AGMO: variants seen among roughly 807,000 people sequenced by gnomAD.
AGMO encodes alkylglycerol monooxygenase.
A neutral mutation model predicts 60.2 loss-of-function variants in AGMO; 75 were observed. That is an observed-to-expected ratio of 1.25 (90% CI 1.03 to 1.51). AGMO has a LOEUF of 1.51. Among genes scored for constraint, AGMO ranks in the 40% most tolerant of loss-of-function variants. The pLI, the probability that AGMO is intolerant of heterozygous loss-of-function variation, is 0.00. For synonymous variants in AGMO, 261 were observed against 177.1 expected (o/e 1.47, Z -3.76); for missense variants, 763 against 525.5 (o/e 1.45, Z -4.42).
At chr7:15,331,235 A>T (rs1365637093) in intron 12 of AGMO, among the ~76,000 whole-genome samples, 2 of 152,218 alleles carry the variant, frequency 1.3e-5, no homozygotes, top group African/African-American at 4.8e-5. Context: ...GGATATGAAG[A>T]AAAGAACTGC....
intron 3 of AGMO, among the ~76,000 whole-genome samples, chr7:15,440,408 A>G (rs949675856): frequency 6.6e-6 from 1 of 152,192 alleles, no homozygotes; most frequent in Non-Finnish European, 1.5e-5. Context: ...GAAGGGAGAA[A>G]TGAGGTTCAT....
intron 3 of AGMO, among the ~76,000 whole-genome samples, chr7:15,497,992 A>G (rs1204687212): frequency 6.6e-6 from 1 of 151,856 alleles, no homozygotes; most frequent in Non-Finnish European, 1.5e-5. Context: ...TAGCAAGAAG[A>G]CTCTTCAAGT....
intron 12 of AGMO, among the ~76,000 whole-genome samples, chr7:15,217,349 ATC>A (rs556876789): frequency 4.2e-5 from 6 of 143,580 alleles, no homozygotes; most frequent in African/African-American, 7.8e-5. Context: ...CACATACATA[ATC>A]TCTCTCTCTC....
chr7:15,471,174 T>C (rs1782442679), intron 3 of AGMO, among the ~76,000 whole-genome samples: 1 of 151,952 alleles, frequency 6.6e-6, no homozygotes, highest in African/African-American at 2.4e-5. Flanking sequence ...ATTTCCTCTA[T>C]CATGCTTTGT....
chr7:15,353,957 AAAGCCAATAC>A (rs1453726459), intron 12 of AGMO, among the ~76,000 whole-genome samples: 1 of 152,178 alleles, frequency 6.6e-6, no homozygotes, highest in Non-Finnish European at 1.5e-5. Flanking sequence ...AAACCCATAC[AAAGCCAATAC>A]ATTTTGGAAA....
At chr7:15,336,361 T>G (rs1361380648) in intron 12 of AGMO, among the ~76,000 whole-genome samples, 6 of 152,126 alleles carry the variant, frequency 3.9e-5, no homozygotes, top group African/African-American at 1.4e-4. Context: ...GTTTATTTGT[T>G]TTCTTTAAAT....
At chr7:15,124,965 A>G in the AGMO span, among the ~76,000 whole-genome samples, 1 of 152,080 alleles carries the variant, frequency 6.6e-6, no homozygotes, top group Non-Finnish European at 1.5e-5. Flanking sequence ...GTCACAAAAG[A>G]GAGTTTGGTA....
intron 4 of AGMO, among the ~76,000 whole-genome samples, chr7:15,421,476 G>C (rs1780922079): frequency 6.6e-6 from 1 of 152,138 alleles, no homozygotes; most frequent in African/African-American, 2.4e-5. Context: ...TATTTCAATA[G>C]CCCAGAGAAA....
At chr7:15,491,367 C>A (rs1401078287) in intron 3 of AGMO, among the ~76,000 whole-genome samples, 2 of 152,166 alleles carry the variant, frequency 1.3e-5, no homozygotes, top group African/African-American at 4.8e-5. Context: ...ATCTTAGCAT[C>A]ACTTGCTTAA....
intron 12 of AGMO, among the ~76,000 whole-genome samples, chr7:15,216,754 T>C (rs1211561648): frequency 6.6e-6 from 1 of 151,956 alleles, no homozygotes; most frequent in Non-Finnish European, 1.5e-5. Flanking sequence ...TTAAGAACTC[T>C]AGGATCAATA....
At chr7:15,526,726 C>A (rs1784138384) in intron 3 of AGMO, among the ~76,000 whole-genome samples, 1 of 152,160 alleles carries the variant, frequency 6.6e-6, no homozygotes, top group African/African-American at 2.4e-5. Flanking sequence ...CTTTATTGGG[C>A]TTTGCAGATA....
chr7:15,135,979 C>CTTTTTTTTTTTTTTTTTTTTG, the AGMO span, among the ~76,000 whole-genome samples: 3 of 106,866 alleles, frequency 2.8e-5, no homozygotes, highest in East Asian at 2.9e-4. Flanking sequence ...TTTTTCTTTT[C>CTTTTTTTTTTTTTTTTTTTTG]TTTTTTTTTT....
chr7:15,524,546 T>C (rs533241509), intron 3 of AGMO, among the ~76,000 whole-genome samples: 1 of 152,276 alleles, frequency 6.6e-6, no homozygotes, highest in African/African-American at 2.4e-5. Flanking sequence ...TCAGTTTGGA[T>C]ATGCAACCAT....
intron 6 of AGMO, among the ~76,000 whole-genome samples, chr7:15,391,521 CATA>C (rs1029957272): frequency 3.9e-5 from 6 of 152,060 alleles, no homozygotes; most frequent in African/African-American, 1.4e-4. Context: ...CTTAAGTAGA[CATA>C]ATGATATCCA....
the AGMO span, among the ~76,000 whole-genome samples, chr7:15,177,102 G>GA: frequency 1.6e-5 from 2 of 128,502 alleles, no homozygotes; most frequent in African/African-American, 5.1e-5. Context: ...ATAAGGGGAG[G>GA]AAAAAACATG....
intron 12 of AGMO, among the ~76,000 whole-genome samples, chr7:15,264,284 G>T (rs923614696): frequency 4.6e-5 from 7 of 151,436 alleles, no homozygotes; most frequent in African/African-American, 1.7e-4. Flanking sequence ...TCATAACTAC[G>T]TCAAAAATGG....
In AGMO at chr7:15,209,104, G is replaced by A. The variant is rs1055721338; in HGVS notation, c.1264-7745C>T. Among the ~76,000 whole-genome samples, 7 of 152,194 alleles carry A rather than the reference G, an allele frequency of 4.6e-5. No individual in the cohort carries two copies. The South Asian group carries it at 1.0e-3, about 23-fold the overall frequency. Reference sequence around the variant, plus strand: ...TTTGTGCTAAATGACTGGCAGTGTCGCCCATTTCCTCCCCAATCCTGTTAT... The same window carrying A: ...TTTGTGCTAAATGACTGGCAGTGTCACCCATTTCCTCCCCAATCCTGTTAT... On this transcript the variant is annotated intron_variant, in intron 12 of 12. Transcript: ENST00000342526.
At chr7:15,134,934 C>T in the AGMO span, among the ~76,000 whole-genome samples, 1 of 152,032 alleles carries the variant, frequency 6.6e-6, no homozygotes, top group East Asian at 1.9e-4. Context: ...ATGACGTTCA[C>T]ATATTTTCAG....
At chr7:15,541,651 T>C (rs1248003037) in intron 3 of AGMO, among the ~76,000 whole-genome samples, 1 of 152,120 alleles carries the variant, frequency 6.6e-6, no homozygotes, top group Non-Finnish European at 1.5e-5. Flanking sequence ...GGCATAGTGA[T>C]AGAGATGGAA....
Sources: allele counts gnomAD v4.1 joint callset (sites outside exome capture counted in the v4.1 genomes callset), GRCh38; gene constraint gnomAD v4.1.1; transcripts MANE v1.5; gene names NCBI Gene and HGNC (gene_info 2026-07-23, HGNC 2026-07-21).